FSHR: variants seen among roughly 807,000 people sequenced by gnomAD.
FSHR encodes follicle-stimulating hormone receptor.
Under a neutral mutation model 52.1 loss-of-function variants are expected in FSHR, and 46 were observed. The observed-to-expected ratio is 0.88, with a 90% CI of 0.70 to 1.13. The LOEUF is 1.13. Among genes scored for constraint, FSHR ranks in the 50% most tolerant of loss-of-function variants. The pLI, the probability that FSHR is intolerant of heterozygous loss-of-function variation, is 0.00. For synonymous variants in FSHR, 399 were observed against 309.6 expected, an observed-to-expected ratio of 1.29 and a Z score of -3.03; for missense variants, 964 against 834.6, an observed-to-expected ratio of 1.16 and a Z score of -1.91.
At chr2:48,970,588 T>C (rs892237794) in intron 8 of FSHR, among the ~76,000 whole-genome samples, 7 of 152,168 alleles carry the variant, frequency 4.6e-5, no homozygotes, top group Admixed American at 4.6e-4. Context: ...CTATACCCAA[T>C]CTTTTCAGGT....
rs149885315 is a variant in FSHR, at chr2:49,028,904, T to C, written c.225-8744A>G. Among the ~76,000 whole-genome samples, 87 of 152,332 alleles carry C rather than the reference T, an allele frequency of 5.7e-4. 1 individual carries two copies. In the East Asian group the frequency reaches 0.016, roughly 27 times the overall value. The stretch of plus-strand genomic sequence containing the variant: ...GAAAGAAACTTGTTCTGAAAGTCCC[T>C]GATATTTTGGAGTTTGTTGTCATCT... On this transcript the variant is annotated intron_variant, in intron 2 of 9. Transcript: ENST00000406846.
chr2:48,968,204 G>C (rs554052545), intron 9 of FSHR, among the ~76,000 whole-genome samples: 3 of 152,242 alleles, frequency 2.0e-5, no homozygotes, highest in Non-Finnish European at 4.4e-5. Context: ...TATCCTCCCT[G>C]TGAGGTAGGA....
chr2:49,006,487 TC>T (rs1372575042), intron 4 of FSHR, among the ~76,000 whole-genome samples: 1 of 152,272 alleles, frequency 6.6e-6, no homozygotes, highest in East Asian at 1.9e-4. Flanking sequence ...TTTCTTTACA[TC>T]CTTTATCATT....
chr2:49,065,873 C>CAGG (rs1669485509), intron 2 of FSHR, among the ~76,000 whole-genome samples: 1 of 151,970 alleles, frequency 6.6e-6, no homozygotes, highest in African/African-American at 2.4e-5. Flanking sequence ...AATAGGGAGG[C>CAGG]AGGAGAGTGT....
At position 48,982,990 on chromosome 2, in the gene FSHR, G is replaced by T. The variant is rs1336064991; in HGVS notation, c.594-4C>A. ...ATTATTATTATCGCTTAGATTCCTG[G>T]GGATGGGGTTGAGGAAAGAAGAAGG... On this transcript the variant is annotated splice_polypyrimidine_tract_variant and splice_region_variant and intron_variant, in intron 7 of 9. Transcript: ENST00000406846. 1.2e-6 allele frequency: 2 copies of T among 1,613,520 alleles called. No homozygotes were observed. The highest frequency in any genetic ancestry group is 1.3e-5 in the African/African-American group (1 of 74,886).
At chr2:49,105,106 A>G (rs1346308779) in intron 1 of FSHR, among the ~76,000 whole-genome samples, 4 of 152,286 alleles carry the variant, frequency 2.6e-5, no homozygotes, top group Non-Finnish European at 4.4e-5. Flanking sequence ...ACTGAGACCA[A>G]TCACACTTTG....
At chr2:49,024,168 C>T (rs546290998) in intron 2 of FSHR, among the ~76,000 whole-genome samples, 72 of 152,150 alleles carry the variant, frequency 4.7e-4, no homozygotes, top group African/African-American at 1.7e-3. Context: ...AGTTAAAGGC[C>T]TCACTAGGAT....
intron 1 of FSHR, among the ~76,000 whole-genome samples, chr2:49,106,186 A>AGGAG (rs1223412284): frequency 3.3e-5 from 5 of 152,326 alleles, no homozygotes; most frequent in African/African-American, 1.2e-4. Flanking sequence ...TACCTTTAAA[A>AGGAG]GGAGGCAAGC....
chr2:48,963,117 G>A lies in FSHR; in HGVS notation c.1704C>T (p.Thr568=), dbSNP rs996873705. ...NPNIVSSSSD[T]RIAKRMAMLI... is the part of the protein sequence containing the mutation. ...GCATGGCCATGCGCTTGGCGATCCT[G>A]GTGTCACTAGAGGAGGACACGATGT... The change falls in exon 10 of 10, where the codon ACC becomes ACT. Residue 568 remains threonine, a synonymous_variant. Transcript: ENST00000406846. 1.2e-6 allele frequency: 2 copies of A among 1,614,098 alleles called. No homozygotes were observed.
At chr2:49,072,544 C>G (rs1341020299) in intron 1 of FSHR, among the ~76,000 whole-genome samples, 1 of 151,926 alleles carries the variant, frequency 6.6e-6, no homozygotes, top group Non-Finnish European at 1.5e-5. Flanking sequence ...CCATTTTTTG[C>G]TAGAACTTAA....
At chr2:49,111,781 C>T (rs1671432417) in intron 1 of FSHR, among the ~76,000 whole-genome samples, 1 of 152,112 alleles carries the variant, frequency 6.6e-6, no homozygotes, top group Non-Finnish European at 1.5e-5. Flanking sequence ...GGGAAAATCT[C>T]CATATTCTTT....
chr2:49,032,618 G>A (rs925169702), intron 2 of FSHR, among the ~76,000 whole-genome samples: 6 of 152,136 alleles, frequency 3.9e-5, no homozygotes, highest in African/African-American at 7.2e-5. Flanking sequence ...ACTGATGGGC[G>A]AAATAAATGA....
At chr2:49,070,599 G>T (rs781420635) in intron 1 of FSHR, among the ~76,000 whole-genome samples, 54 of 152,222 alleles carry the variant, frequency 3.5e-4, no homozygotes, top group Non-Finnish European at 6.8e-4. Context: ...GGAGAGTGAG[G>T]TCTTGAATAA....
chr2:49,022,183 C>T (rs956782471), intron 2 of FSHR, among the ~76,000 whole-genome samples: 1 of 151,962 alleles, frequency 6.6e-6, no homozygotes, highest in Non-Finnish European at 1.5e-5. Context: ...GTTAGCAGTA[C>T]ATTTGGTCAC....
At chr2:49,085,344 T>G (rs1015137775) in intron 1 of FSHR, among the ~76,000 whole-genome samples, 3 of 152,216 alleles carry the variant, frequency 2.0e-5, no homozygotes, top group Non-Finnish European at 4.4e-5. Context: ...GGGACGTATC[T>G]CAAAATAATA....
At chr2:48,990,124 C>T (rs1436387513) in intron 5 of FSHR, among the ~76,000 whole-genome samples, 1 of 152,038 alleles carries the variant, frequency 6.6e-6, no homozygotes, top group East Asian at 1.9e-4. Flanking sequence ...AATACAAATA[C>T]CTTGGGAAAA....
chr2:49,113,056 C>T (rs1671478757), intron 1 of FSHR, among the ~76,000 whole-genome samples: 1 of 152,054 alleles, frequency 6.6e-6, no homozygotes, highest in Non-Finnish European at 1.5e-5. Flanking sequence ...GAGGAACAGG[C>T]AGGATGGGAG....
intron 9 of FSHR, among the ~76,000 whole-genome samples, chr2:48,966,844 T>G (rs560771748): frequency 6.6e-6 from 1 of 152,198 alleles, no homozygotes; most frequent in Non-Finnish European, 1.5e-5. Context: ...TTCCTCTCCC[T>G]TGCTATACCC....
intron 4 of FSHR, among the ~76,000 whole-genome samples, chr2:49,011,786 T>C (rs1667284002): frequency 6.6e-6 from 1 of 152,102 alleles, no homozygotes; most frequent in Admixed American, 6.6e-5. Context: ...TCCTTGCTAC[T>C]CTGAGCTGCC....
Sources: gnomAD v4.1 joint callset for allele counts (sites outside exome capture counted in the v4.1 genomes callset) on GRCh38, gnomAD v4.1.1 for gene constraint, MANE v1.5 for transcripts, NCBI Gene and HGNC (gene_info 2026-07-23, HGNC 2026-07-21) for gene names.